The following ZFPM1 variants were observed in gnomAD, a reference collection of about 807,000 sequenced individuals.
ZFPM1 encodes zinc finger protein ZFPM1.
In ZFPM1, 28 loss-of-function variants were observed where a neutral mutation model predicts 46.3. That is an observed-to-expected ratio of 0.60 (90% CI 0.45 to 0.83). ZFPM1 has a LOEUF of 0.83. ZFPM1 is among the 40% of genes least tolerant of loss of function. The pLI, the probability that ZFPM1 is intolerant of heterozygous loss-of-function variation, is 0.00. For synonymous variants in ZFPM1, 957 were observed against 675.9 expected, an observed-to-expected ratio of 1.42 and a Z score of -6.45; for missense variants, 1,878 against 1,432.4, an observed-to-expected ratio of 1.31 and a Z score of -5.02.
chr16:88,452,692 G>A (rs1299389541), upstream of ZFPM1, among the ~76,000 whole-genome samples: 2 of 152,278 alleles, frequency 1.3e-5, no homozygotes, highest in South Asian at 2.1e-4. Flanking sequence ...CACGTGGAGC[G>A]TGCGGCAGAG....
chr16:88,472,005 G>A (rs139268668), intron 1 of ZFPM1, among the ~76,000 whole-genome samples: 4,636 of 152,346 alleles, frequency 0.03, 88 homozygotes, highest in Middle Eastern at 0.048. Flanking sequence ...GAGCCCGGCA[G>A]GGCCAAACCC....
chr16:88,535,795 C>G lies in ZFPM1; in HGVS notation c.*816C>G, dbSNP rs145723227. The G allele has an allele frequency of 6.5e-6, 1 of 152,686 alleles. No individual in the cohort carries two copies. Among genetic ancestry groups the G allele is most frequent in the African/African-American group, 2.4e-5 (1 of 41,444 alleles). 9.5% of individuals were successfully genotyped at this position (152,686 alleles called of 1,614,324 possible). On this transcript the variant is annotated 3_prime_UTR_variant, in exon 10 of 10. Transcript: ENST00000319555. Reference sequence around the variant, plus strand: ...CAAGGGTCAGGGCACCCCCACCCCCCGTCTTCCCTGCCCTGCTGGGCTGTA... The same window carrying G: ...CAAGGGTCAGGGCACCCCCACCCCCGGTCTTCCCTGCCCTGCTGGGCTGTA...
intron 3 of ZFPM1, among the ~76,000 whole-genome samples, chr16:88,494,770 G>A (rs1488502435): frequency 6.6e-6 from 1 of 152,118 alleles, no homozygotes; most frequent in African/African-American, 2.4e-5. Context: ...AGGAGGAGCC[G>A]GCAGGAGGAG....
At chr16:88,532,586 C>T in intron 7 of ZFPM1, 28 bp from the exon 8 acceptor site, 42 of 1,547,164 alleles carry the variant, frequency 2.7e-5, no homozygotes, top group Non-Finnish European at 3.4e-5. Context: ...CTGGCCCGGG[C>T]ACCGCTCTTA....
At chr16:88,506,476 A>T (rs540784605) in intron 3 of ZFPM1, among the ~76,000 whole-genome samples, 1 of 148,598 alleles carries the variant, frequency 6.7e-6, no homozygotes, top group East Asian at 2.1e-4. Flanking sequence ...ACAATAACAC[A>T]GAATAATCCA....
At chr16:88,470,533 G>A (rs1240434205) in intron 1 of ZFPM1, among the ~76,000 whole-genome samples, 6 of 150,700 alleles carry the variant, frequency 4.0e-5, no homozygotes, top group South Asian at 4.3e-4. Flanking sequence ...GTGGCACGGT[G>A]TGGAGGGCCG....
intron 3 of ZFPM1, among the ~76,000 whole-genome samples, chr16:88,501,298 A>C (rs1471678066): frequency 1.5e-4 from 18 of 120,442 alleles, no homozygotes; most frequent in African/African-American, 5.9e-4. Context: ...GCCCTCCCGC[A>C]GGTGCTGGTG....
At chr16:88,518,999 C>T (rs1185318760) in intron 4 of ZFPM1, among the ~76,000 whole-genome samples, 46 of 103,954 alleles carry the variant, frequency 4.4e-4, no homozygotes, top group Middle Eastern at 9.4e-3. Context: ...GATGGATAGA[C>T]GTATGGGTGG....
intron 3 of ZFPM1, among the ~76,000 whole-genome samples, chr16:88,511,668 C>T (rs770932080): frequency 6.6e-6 from 1 of 152,178 alleles, no homozygotes; most frequent in Non-Finnish European, 1.5e-5. Flanking sequence ...GGGAGAGGGT[C>T]TCTGCAGGAA....
chr16:88,510,939 C>CA (rs34845085), intron 3 of ZFPM1, among the ~76,000 whole-genome samples: 1 of 152,176 alleles, frequency 6.6e-6, no homozygotes, highest in Non-Finnish European at 1.5e-5. Context: ...GGCAGGTACT[C>CA]AGTTGGGTCC....
At chr16:88,495,697 C>G (rs908272212) in intron 3 of ZFPM1, among the ~76,000 whole-genome samples, 3 of 152,154 alleles carry the variant, frequency 2.0e-5, no homozygotes, top group African/African-American at 7.2e-5. Context: ...ACTTGCCCAC[C>G]ACTCTGTGTG....
intron 1 of ZFPM1, among the ~76,000 whole-genome samples, chr16:88,454,331 G>A (rs983612767): frequency 6.6e-6 from 1 of 152,050 alleles, no homozygotes; most frequent in East Asian, 1.9e-4. Context: ...CCCCCACCCC[G>A]TGCCCTAGCG....
chr16:88,520,718 G>T (rs1196222358), intron 4 of ZFPM1, among the ~76,000 whole-genome samples: 3 of 111,542 alleles, frequency 2.7e-5, no homozygotes, highest in Non-Finnish European at 3.7e-5. Flanking sequence ...GGTGGATGGA[G>T]GGATGGGTGG....
intron 1 of ZFPM1, among the ~76,000 whole-genome samples, chr16:88,477,739 G>A (rs961029649): frequency 3.3e-5 from 5 of 152,274 alleles, no homozygotes; most frequent in Non-Finnish European, 7.3e-5. Context: ...AATGCTTATG[G>A]GGATGCAGTT....
chr16:88,499,555 G>A (rs562191764), intron 3 of ZFPM1, among the ~76,000 whole-genome samples: 1 of 152,364 alleles, frequency 6.6e-6, no homozygotes, highest in African/African-American at 2.4e-5. Context: ...GGAGCCTGGT[G>A]CCTAGCAGGC....
At chr16:88,487,518 G>C (rs571599496) in intron 2 of ZFPM1, among the ~76,000 whole-genome samples, 1 of 152,162 alleles carries the variant, frequency 6.6e-6, no homozygotes, top group Admixed American at 6.5e-5. Flanking sequence ...AGGTCCAAAG[G>C]CTCCAAGGCC....
At chr16:88,516,672 G>A (rs1567547861) in intron 4 of ZFPM1, 2 of 398,528 alleles carry the variant, frequency 5.0e-6, no homozygotes, top group Middle Eastern at 6.3e-4. Flanking sequence ...AAATATTTTT[G>A]CGTCTCAGCG....
At chr16:88,459,035 G>C (rs1480780660) in intron 1 of ZFPM1, among the ~76,000 whole-genome samples, 1 of 152,240 alleles carries the variant, frequency 6.6e-6, no homozygotes, top group African/African-American at 2.4e-5. Flanking sequence ...GAGAGCCGGC[G>C]CCCGTCAGGG....
chr16:88,451,975 A>G (rs1005611391), upstream of ZFPM1, among the ~76,000 whole-genome samples: 1 of 151,964 alleles, frequency 6.6e-6, no homozygotes, highest in Non-Finnish European at 1.5e-5. Flanking sequence ...GGAGCCAGGG[A>G]ATAGGTCACA....
Sources: gnomAD v4.1 joint callset for allele counts (sites outside exome capture counted in the v4.1 genomes callset) on GRCh38, gnomAD v4.1.1 for gene constraint, MANE v1.5 for transcripts, NCBI Gene and HGNC (gene_info 2026-07-23, HGNC 2026-07-21) for gene names.